FRK: variants seen among roughly 807,000 people sequenced by gnomAD.
The protein encoded by FRK is tyrosine-protein kinase FRK.
Under a neutral mutation model 56.4 loss-of-function variants are expected in FRK, and 51 were observed. The ratio of observed to expected loss-of-function variants is 0.90; its 90% confidence interval spans 0.72 to 1.14. The LOEUF (loss-of-function observed/expected upper bound fraction) is 1.14, where lower values mean the gene tolerates loss of function less well. Ranked by LOEUF, FRK falls within the 50% of genes most tolerant of loss-of-function variation. The probability of loss-of-function intolerance (pLI) is 0.00; values close to 1 mark genes in which losing one functional copy is unlikely to be tolerated. For synonymous variants in FRK, 245 were observed against 217.9 expected, an observed-to-expected ratio of 1.12 and a Z score of -1.10; for missense variants, 570 against 601.4, an observed-to-expected ratio of 0.95 and a Z score of 0.55.
chr6:116,039,562 G>A (rs1776632610), intron 1 of FRK: 2 of 882,668 alleles, frequency 2.3e-6, no homozygotes, highest in Non-Finnish European at 1.9e-6. Context: ...CCCAGTAACT[G>A]CCCCTCCCCT....
At chr6:116,090,859 T>C in the FRK span, among the ~76,000 whole-genome samples, 4 of 152,226 alleles carry the variant, frequency 2.6e-5, no homozygotes, top group African/African-American at 9.6e-5. Context: ...ATATTGTATT[T>C]CCATCTCAGC....
At position 115,944,286 on chromosome 6, in the gene FRK, A is replaced by G; in HGVS notation, c.1098T>C (p.Asn366=). The part of the protein sequence containing the change: ...AARNVLVGEH[N]IYKVADFGLA... ...GTCCAAAATCTGCTACTTTGTAGAT[A>G]TTATGTTCACCAACGAGGACATTTC... The change falls in exon 6 of 8, where the codon AAT becomes AAC. Residue 366 remains asparagine, a synonymous_variant. Transcript: ENST00000606080. 2 of 1,612,806 alleles carry G rather than the reference A, an allele frequency of 1.2e-6. No homozygotes were observed. The highest frequency in any genetic ancestry group is 2.2e-5 in the East Asian group (1 of 44,870).
At chr6:115,975,863 G>C (rs140101105) in intron 2 of FRK, among the ~76,000 whole-genome samples, 1 of 152,224 alleles carries the variant, frequency 6.6e-6, no homozygotes, top group Non-Finnish European at 1.5e-5. Flanking sequence ...ACATGTCGAA[G>C]AATTAGGACA....
chr6:116,097,454 T>C, the FRK span, among the ~76,000 whole-genome samples: 3 of 152,164 alleles, frequency 2.0e-5, no homozygotes, highest in African/African-American at 7.2e-5. Flanking sequence ...AAACAGGCCA[T>C]TTCCCTCCTT....
At chr6:116,032,113 T>G (rs907734575) in intron 1 of FRK, among the ~76,000 whole-genome samples, 1 of 152,114 alleles carries the variant, frequency 6.6e-6, no homozygotes, top group Admixed American at 6.6e-5. Flanking sequence ...AGGAACTGTG[T>G]ATCATTTCTC....
In FRK at chr6:115,932,859, C is replaced by G. The variant is rs980863614; in HGVS notation, c.*9555G>C. On this transcript the variant is annotated 3_prime_UTR_variant, in exon 8 of 8. Transcript: ENST00000606080. ...TGGGCCCCTCCTGGTTCATTAGATC[C>G]ACATGGTCATCATACAGATATTGTG... is the stretch of plus-strand genomic sequence containing the variant. 9 of 152,300 alleles carry G rather than the reference C, an allele frequency of 5.9e-5. No homozygotes were observed. The East Asian group carries it at 1.7e-3, about 29-fold the overall frequency. 9.4% of individuals were successfully genotyped at this position (152,300 alleles called of 1,614,324 possible). A position where few individuals can be genotyped will look rare whatever the true frequency, so the allele number is the denominator to read the frequency against.
chr6:116,051,386 G>A (rs1468987203), intron 1 of FRK, among the ~76,000 whole-genome samples: 1 of 152,008 alleles, frequency 6.6e-6, no homozygotes, highest in Non-Finnish European at 1.5e-5. Context: ...GACTCAATTG[G>A]TAAATAGAAA....
the FRK span, among the ~76,000 whole-genome samples, chr6:116,082,584 T>A: frequency 6.6e-6 from 1 of 152,138 alleles, no homozygotes. Context: ...ATGAATTAGA[T>A]GTGAGATGTA....
upstream of FRK, among the ~76,000 whole-genome samples, chr6:116,061,279 C>T (rs969693903): frequency 1.3e-5 from 2 of 152,108 alleles, no homozygotes; most frequent in African/African-American, 4.8e-5. Context: ...ATTTTAATAG[C>T]TTCAAAGAAT....
the FRK span, among the ~76,000 whole-genome samples, chr6:116,074,104 G>T: frequency 6.6e-6 from 1 of 152,192 alleles, no homozygotes; most frequent in African/African-American, 2.4e-5. Context: ...AAAAGATTAA[G>T]AAAATCTTCA....
At chr6:116,048,986 T>C (rs576387397) in intron 1 of FRK, among the ~76,000 whole-genome samples, 40 of 147,452 alleles carry the variant, frequency 2.7e-4, no homozygotes, top group African/African-American at 9.9e-4. Context: ...TTTTTTTTTT[T>C]TAACAGTACC....
rs1220908817 is a variant in FRK at position 115,955,974 on chromosome 6, A to C, written c.958+478T>G. Among the ~76,000 whole-genome samples, 4 of 152,226 alleles carry C rather than the reference A, an allele frequency of 2.6e-5. No homozygotes were observed. The South Asian group carries it at 8.3e-4, about 31-fold the overall frequency. On this transcript the variant is annotated intron_variant, in intron 5 of 7. Coordinates refer to ENST00000606080, the MANE Select transcript of FRK (RefSeq NM_002031.3). ...TTGTCTGACAATTCTTATGTTGCCT[A>C]GCAGTGGAAGTATTTTAAACAGCAA...
intron 1 of FRK, among the ~76,000 whole-genome samples, chr6:116,048,203 T>C (rs1225908690): frequency 6.6e-6 from 1 of 152,256 alleles, no homozygotes; most frequent in East Asian, 1.9e-4. Flanking sequence ...CCTTGACTTT[T>C]GTGTTTCTAA....
chr6:116,028,734 G>T (rs1032519835), intron 1 of FRK, among the ~76,000 whole-genome samples: 20 of 151,946 alleles, frequency 1.3e-4, no homozygotes, highest in Non-Finnish European at 2.9e-4. Context: ...TGCCCGTATG[G>T]TCTCCTCCTA....
chr6:115,960,029 T>C (rs1001396681), intron 4 of FRK, among the ~76,000 whole-genome samples: 3 of 152,080 alleles, frequency 2.0e-5, no homozygotes, highest in African/African-American at 7.2e-5. Context: ...GAAGTATTTA[T>C]CTAGGGGAGG....
the FRK span, among the ~76,000 whole-genome samples, chr6:116,089,513 G>T: frequency 2.0e-5 from 3 of 152,238 alleles, no homozygotes; most frequent in African/African-American, 7.2e-5. Flanking sequence ...AGTTCTGGAG[G>T]CTGGAAGTCC....
chr6:116,008,006 C>T lies in FRK; in HGVS notation c.345-4008G>A, dbSNP rs530998873. ...TTTAAACAAAATATAAATATGTAAG[C>T]CTTTACAAGAATTACAATGTATCTA... On this transcript the variant is annotated intron_variant, in intron 1 of 7. Transcript: ENST00000606080. Among the ~76,000 whole-genome samples, 11 of 152,048 alleles carry T rather than the reference C, an allele frequency of 7.2e-5. No individual in the cohort carries two copies. In the South Asian group the frequency reaches 1.7e-3, roughly 23 times the overall value.
Position 115,934,163 on chromosome 6 carries a change from AT to A in FRK, c.*8250del, listed in dbSNP as rs1221857192. Reference sequence around the variant, plus strand: ...CAGAGATAGATAATTCTAACCGTTAATTCACCTCAGGGAATGTTCTCCTTAA... The same window carrying A: ...CAGAGATAGATAATTCTAACCGTTAATCACCTCAGGGAATGTTCTCCTTAA... On this transcript the variant is annotated 3_prime_UTR_variant, in exon 8 of 8. Coordinates refer to ENST00000606080, the MANE Select transcript of FRK (RefSeq NM_002031.3). 2 of 152,302 alleles carry A rather than the reference AT, an allele frequency of 1.3e-5. No individual in the cohort carries two copies. The highest frequency in any genetic ancestry group is 4.8e-5 in the African/African-American group (2 of 41,568). The allele number at this position is 152,302 out of a possible 1,614,324, so 9.4% of individuals were successfully genotyped here. A position where few individuals can be genotyped will look rare whatever the true frequency, so the allele number is the denominator to read the frequency against.
At position 115,940,299 on chromosome 6, in the gene FRK, C is replaced by G. The variant is rs1000754130; in HGVS notation, c.*2115G>C. ...CATATGCAGAAAACTGAAACTGGAC[C>G]CCTTCCTTACACCTATACAAAAATT... On this transcript the variant is annotated 3_prime_UTR_variant, in exon 8 of 8. Coordinates refer to ENST00000606080, the MANE Select transcript of FRK (RefSeq NM_002031.3). The G allele has an allele frequency of 6.6e-6, 1 of 152,110 alleles. No homozygotes were observed. Among genetic ancestry groups the G allele is most frequent in the African/African-American group, 2.4e-5 (1 of 41,414 alleles). The allele number at this position is 152,110 out of a possible 1,614,324, so 9.4% of individuals were successfully genotyped here.
Sources: gnomAD v4.1 joint callset for allele counts (sites outside exome capture counted in the v4.1 genomes callset) on GRCh38, gnomAD v4.1.1 for gene constraint, MANE v1.5 for transcripts, NCBI Gene and HGNC (gene_info 2026-07-23, HGNC 2026-07-21) for gene names.